Variants in ANKRD18B observed in about 807,000 individuals in gnomAD.
The protein encoded by ANKRD18B is ankyrin repeat domain 18B, also known as ankyrin repeat domain-containing protein 18B.
In ANKRD18B, 75 loss-of-function variants were observed where a neutral mutation model predicts 111.8. The ratio of observed to expected loss-of-function variants is 0.67; its 90% confidence interval spans 0.56 to 0.81. The LOEUF is 0.81. Ranked by LOEUF, ANKRD18B falls within the 40% of genes least tolerant of loss-of-function variation. The pLI, the probability that ANKRD18B is intolerant of heterozygous loss-of-function variation, is 0.00. For missense variants in ANKRD18B, 1,038 were observed against 1,225.5 expected, an observed-to-expected ratio of 0.85 and a Z score of 2.28; for synonymous variants, 356 against 417.3, an observed-to-expected ratio of 0.85 and a Z score of 1.79.
chr9:33,532,996 G>C (rs949690728), intron 3 of ANKRD18B, among the ~76,000 whole-genome samples: 2 of 152,090 alleles, frequency 1.3e-5, no homozygotes, highest in East Asian at 3.8e-4. Flanking sequence ...TTGAAATATA[G>C]TTTAAGAAAC....
chr9:33,551,675 C>A (rs898617391), intron 12 of ANKRD18B, among the ~76,000 whole-genome samples: 18 of 151,942 alleles, frequency 1.2e-4, no homozygotes, highest in African/African-American at 4.4e-4. Flanking sequence ...TAGGTTGTTT[C>A]CACTTTTTGG....
chr9:33,556,491 T>C (rs1828529218), intron 13 of ANKRD18B, among the ~76,000 whole-genome samples: 1 of 152,202 alleles, frequency 6.6e-6, no homozygotes, highest in African/African-American at 2.4e-5. Flanking sequence ...CTCGAACTCC[T>C]GACCTCATGA....
chr9:33,524,517 C>T lies in ANKRD18B; in HGVS notation c.28C>T (p.Arg10Cys), dbSNP rs1429762692. The T allele has an allele frequency of 1.3e-6, 2 of 1,550,860 alleles. No individual in the cohort carries two copies. Among genetic ancestry groups the T allele is most frequent in the Admixed American group, 2.0e-5 (1 of 50,946 alleles). MRKLLSFGRRLGQALLSSMD... is the reference protein window; with the variant it reads MRKLLSFGRCLGQALLSSMD... ...GAGGAAGCTCCTCAGTTTTGGGAGA[C>T]GCCTGGGCCAGGCGCTCCTGAGCTC... The change falls in exon 1 of 19, where the codon CGC becomes TGC. Residue 10 changes from arginine to cysteine, a missense_variant. Around this residue, in one of 4 missense-constraint regions of ANKRD18B, gnomAD observed 216 missense variants for 205.1 expected, o/e 1.05. Coordinates refer to ENST00000684830, the MANE Select transcript of ANKRD18B (RefSeq NM_001393611.1).
At chr9:33,535,850 A>T (rs1432597023) in intron 5 of ANKRD18B, among the ~76,000 whole-genome samples, 1 of 148,470 alleles carries the variant, frequency 6.7e-6, no homozygotes, top group African/African-American at 2.4e-5. Flanking sequence ...CTCTTATATT[A>T]TAATGAAAAT....
chr9:33,535,734 ATTTATAT>A lies in ANKRD18B; in HGVS notation c.741-1133_741-1127del, dbSNP rs1247733784. ...TTATATTTATATTATTTTATATTTT[ATTTATAT>A]TTTATATTTTTATATTTAATATTTA... On this transcript the variant is annotated intron_variant, in intron 5 of 18. Coordinates refer to ENST00000684830, the MANE Select transcript of ANKRD18B (RefSeq NM_001393611.1). 3.4e-5 allele frequency among the ~76,000 whole-genome samples: 5 copies of A among 146,002 alleles called. No homozygotes were observed. In the Admixed American group the frequency reaches 3.4e-4, roughly 10 times the overall value.
At chr9:33,570,907 A>G (rs1828764765) in intron 17 of ANKRD18B, among the ~76,000 whole-genome samples, 5 of 152,132 alleles carry the variant, frequency 3.3e-5, no homozygotes, top group Admixed American at 3.3e-4. Flanking sequence ...AAGTGCTGGG[A>G]TTACAGGCGT....
At chr9:33,546,636 A>G (rs1253563711) in intron 10 of ANKRD18B, among the ~76,000 whole-genome samples, 2 of 152,152 alleles carry the variant, frequency 1.3e-5, no homozygotes, top group African/African-American at 2.4e-5. Flanking sequence ...GTTTTGCCAA[A>G]GTCACACTTT....
chr9:33,556,936 A>T (rs922553007), intron 13 of ANKRD18B, among the ~76,000 whole-genome samples: 7 of 152,320 alleles, frequency 4.6e-5, no homozygotes, highest in Non-Finnish European at 7.4e-5. Context: ...TATAACCTAA[A>T]GAAAAAGAGT....
At chr9:33,534,825 C>CTTTTT (rs374951470) in intron 5 of ANKRD18B, among the ~76,000 whole-genome samples, 3 of 123,276 alleles carry the variant, frequency 2.4e-5, no homozygotes, top group Non-Finnish European at 3.3e-5. Context: ...TTCTTTCTTC[C>CTTTTT]TTTTTTTTTT....
rs1265336719 is a variant in ANKRD18B, at chr9:33,566,396, A to G, written c.2638A>G (p.Met880Val). 6.2e-7 allele frequency: 1 copy of G among 1,603,594 alleles called. No individual in the cohort carries two copies. The highest frequency in any genetic ancestry group is 1.3e-5 in the African/African-American group (1 of 74,514). ...AAAAGTATTAAATCTTAAGACACAT[A>G]TGGAAAAAGATATGGTAGAACTTGG... ...EEKVLNLKTH[M>V]EKDMVELGKV... is the part of the protein sequence containing the mutation. Residue 880 changes from methionine (M) to valine (V), a missense_variant, in exon 15 of 19, where the codon ATG (methionine) becomes GTG (valine). Met to Val is a conservative substitution (Grantham distance 21). Transcript: ENST00000684830.
At chr9:33,532,000 C>T (rs565716889) in intron 3 of ANKRD18B, among the ~76,000 whole-genome samples, 50 of 152,076 alleles carry the variant, frequency 3.3e-4, no homozygotes, top group East Asian at 9.7e-4. Context: ...TTTGGGAGGC[C>T]GAGGAGGGCA....
chr9:33,525,960 A>G (rs1828019672), intron 1 of ANKRD18B, among the ~76,000 whole-genome samples: 1 of 152,028 alleles, frequency 6.6e-6, no homozygotes, highest in African/African-American at 2.4e-5. Flanking sequence ...AATCAAATCC[A>G]CAAGAAAAGA....
rs1828519474 is a variant in ANKRD18B at position 33,555,923 on chromosome 9, T to G, written c.2330+103T>G. The G allele has an allele frequency of 8.8e-6, 7 of 795,882 alleles. No individual in the cohort carries two copies. In the East Asian group the frequency reaches 2.4e-4, roughly 27 times the overall value. The allele number at this position is 795,882 out of a possible 1,614,324, so 49.3% of individuals were successfully genotyped here. On this transcript the variant is annotated intron_variant, in intron 13 of 18. Coordinates refer to ENST00000684830, the MANE Select transcript of ANKRD18B (RefSeq NM_001393611.1). ...ATACAAATTCATTTTATGTCTTCATTTTCATAATTAAATGAATTCTGTTTT... is the reference window on the plus strand; with the variant it reads ...ATACAAATTCATTTTATGTCTTCATGTTCATAATTAAATGAATTCTGTTTT...
At position 33,548,832 on chromosome 9, in the gene ANKRD18B, G is replaced by C; in HGVS notation, c.2044G>C (p.Glu682Gln). ...NYLKEKLLQY[E>Q]KEKAEREVIV... ...TTTAAAAGAAAAACTGCTTCAGTAT[G>C]AAAAAGAAAAAGCAGAAAGAGAAGT... is the stretch of plus-strand genomic sequence containing the variant. The change falls in exon 11 of 19, where the codon GAA (glutamate) becomes CAA (glutamine). Residue 682 changes from glutamate to glutamine, a missense_variant. Transcript: ENST00000684830. 6.7e-7 allele frequency: 1 copy of C among 1,492,152 alleles called. No homozygotes were observed. 92.4% of individuals were successfully genotyped at this position (1,492,152 alleles called of 1,614,324 possible).
At chr9:33,557,415 CT>C (rs745764090) in intron 13 of ANKRD18B, among the ~76,000 whole-genome samples, 13 of 152,094 alleles carry the variant, frequency 8.5e-5, no homozygotes, top group Non-Finnish European at 1.8e-4. Context: ...TTACTCATCT[CT>C]TGGTTATGCC....
chr9:33,572,573 T>C lies in ANKRD18B; in HGVS notation c.*139T>C. ...ATATTTATATGTTATTTTAAATGAT[T>C]TTTTTAGCCTCCTTAAGTTTTAAGT... On this transcript the variant is annotated 3_prime_UTR_variant, in exon 19 of 19. Coordinates refer to ENST00000684830, the MANE Select transcript of ANKRD18B (RefSeq NM_001393611.1). 1 of 1,275,842 alleles carries C rather than the reference T, an allele frequency of 7.8e-7. No homozygotes were observed. The highest frequency in any genetic ancestry group is 1.6e-5 in the African/African-American group (1 of 64,448). 79.0% of individuals were successfully genotyped at this position (1,275,842 alleles called of 1,614,324 possible).
At chr9:33,524,869 G>A (rs1199356010) in intron 1 of ANKRD18B, among the ~76,000 whole-genome samples, 174 bp downstream of exon 1, 1 of 152,244 alleles carries the variant, frequency 6.6e-6, no homozygotes, top group Non-Finnish European at 1.5e-5. Flanking sequence ...TGGATAATTG[G>A]AGTGATTTAA....
intron 17 of ANKRD18B, among the ~76,000 whole-genome samples, chr9:33,570,780 G>A (rs867501497): frequency 9.9e-5 from 15 of 151,890 alleles, no homozygotes; most frequent in Middle Eastern, 3.4e-3. Context: ...TGGGACTAGA[G>A]GCATGCACCA....
downstream of ANKRD18B, chr9:33,574,491 C>G (rs1432465451): frequency 6.5e-6 from 1 of 152,692 alleles, no homozygotes; most frequent in East Asian, 1.9e-4. Context: ...TGGGAGACCT[C>G]CAACTTTACA....
Sources: gnomAD v4.1 joint callset for allele counts (sites outside exome capture counted in the v4.1 genomes callset) on GRCh38, gnomAD v4.1.1 for gene constraint, gnomAD v4.1.1 regional missense constraint, MANE v1.5 for transcripts, NCBI Gene and HGNC (gene_info 2026-07-23, HGNC 2026-07-21) for gene names.